The following AKAP19 variants were observed in gnomAD, a reference collection of about 807,000 sequenced individuals.
The protein encoded by AKAP19 is A-kinase anchoring protein 19.
At chr2:190,044,401 C>A in the AKAP19 span, among the ~76,000 whole-genome samples, 4 of 152,094 alleles carry the variant, frequency 2.6e-5, no homozygotes, top group African/African-American at 9.7e-5. Flanking sequence ...CAGTGTGGGG[C>A]CCATGGGAAA....
At chr2:190,038,913 C>CTTTCT in the AKAP19 span, among the ~76,000 whole-genome samples, 54 of 113,666 alleles carry the variant, frequency 4.8e-4, no homozygotes, top group Middle Eastern at 4.1e-3. Context: ...TCTTCTTCTT[C>CTTTCT]TTCTTCTTCT....
the AKAP19 span, among the ~76,000 whole-genome samples, chr2:189,945,852 A>C: frequency 6.6e-6 from 1 of 152,230 alleles, no homozygotes; most frequent in Admixed American, 6.5e-5. Flanking sequence ...GTTAATATTA[A>C]GTAGTCATTG....
the AKAP19 span, among the ~76,000 whole-genome samples, chr2:189,971,470 G>A: frequency 1.6e-4 from 25 of 152,148 alleles, no homozygotes; most frequent in African/African-American, 2.9e-4. Context: ...TTATAGCAGC[G>A]TGATTTATAA....
the AKAP19 span, among the ~76,000 whole-genome samples, chr2:190,080,611 C>G: frequency 6.6e-6 from 1 of 152,140 alleles, no homozygotes; most frequent in Admixed American, 6.5e-5. Context: ...GTGTTCCAGG[C>G]AAAGGACATA....
At chr2:190,007,266 C>T in the AKAP19 span, among the ~76,000 whole-genome samples, 2 of 152,154 alleles carry the variant, frequency 1.3e-5, no homozygotes, top group Non-Finnish European at 2.9e-5. Context: ...CCTATATTCT[C>T]CATTTTCTAC....
chr2:190,127,694 T>C, the AKAP19 span, among the ~76,000 whole-genome samples: 1 of 152,210 alleles, frequency 6.6e-6, no homozygotes, highest in Non-Finnish European at 1.5e-5. Flanking sequence ...ATTGAAGTTA[T>C]TTTTTAAATT....
chr2:190,167,534 G>A, the AKAP19 span, among the ~76,000 whole-genome samples: 26 of 152,306 alleles, frequency 1.7e-4, no homozygotes, highest in African/African-American at 6.0e-4. Flanking sequence ...ATGAGACTCT[G>A]AGACAAGGCA....
the AKAP19 span, among the ~76,000 whole-genome samples, chr2:190,193,463 A>C: frequency 2.0e-5 from 3 of 152,058 alleles, no homozygotes; most frequent in South Asian, 6.2e-4. Flanking sequence ...TTTTCTGAAG[A>C]GTTTAGATAA....
chr2:190,021,790 C>T, the AKAP19 span, among the ~76,000 whole-genome samples: 1 of 152,220 alleles, frequency 6.6e-6, no homozygotes, highest in Non-Finnish European at 1.5e-5. Context: ...ATCCTGTTTC[C>T]TCCTCATATT....
the AKAP19 span, among the ~76,000 whole-genome samples, chr2:190,132,315 C>A: frequency 6.6e-6 from 1 of 152,094 alleles, no homozygotes; most frequent in Non-Finnish European, 1.5e-5. Context: ...TATGGAACCA[C>A]AAGAGACCCT....
the AKAP19 span, among the ~76,000 whole-genome samples, chr2:190,184,563 A>G: frequency 4.6e-5 from 7 of 152,224 alleles, no homozygotes; most frequent in African/African-American, 1.7e-4. Context: ...ATTTGGGGAG[A>G]CAGCATTTAT....
At chr2:189,882,897 C>CT in the AKAP19 span, among the ~76,000 whole-genome samples, 1 of 151,548 alleles carries the variant, frequency 6.6e-6, no homozygotes, top group Non-Finnish European at 1.5e-5. Flanking sequence ...TGACTTTTTC[C>CT]TTTGCTTATT....
At chr2:189,932,515 A>G in the AKAP19 span, among the ~76,000 whole-genome samples, 1 of 151,906 alleles carries the variant, frequency 6.6e-6, no homozygotes, top group Non-Finnish European at 1.5e-5. Context: ...ATTAGTTGGA[A>G]TTCTATTTTG....
chr2:190,052,224 G>A, the AKAP19 span, among the ~76,000 whole-genome samples: 1 of 152,158 alleles, frequency 6.6e-6, no homozygotes, highest in Non-Finnish European at 1.5e-5. Context: ...CTAGGGTGCA[G>A]GCAGCCATAT....
the AKAP19 span, among the ~76,000 whole-genome samples, chr2:189,919,759 C>A: frequency 5.3e-5 from 8 of 152,180 alleles, no homozygotes; most frequent in African/African-American, 1.9e-4. Flanking sequence ...TTTTAAAAAG[C>A]TGCTAGAGAA....
chr2:189,903,522 T>G, the AKAP19 span, among the ~76,000 whole-genome samples: 5 of 152,170 alleles, frequency 3.3e-5, no homozygotes, highest in Admixed American at 2.0e-4. Flanking sequence ...TTATCACCAT[T>G]AGATTCAGTA....
the AKAP19 span, among the ~76,000 whole-genome samples, chr2:190,007,989 C>T: frequency 2.0e-5 from 3 of 152,146 alleles, no homozygotes; most frequent in South Asian, 2.1e-4. Flanking sequence ...TGAAGGCTTA[C>T]AGCAATCCTT....
chr2:190,064,644 T>C, the AKAP19 span, among the ~76,000 whole-genome samples: 1 of 152,196 alleles, frequency 6.6e-6, no homozygotes, highest in Non-Finnish European at 1.5e-5. Flanking sequence ...AATTGATAAC[T>C]GGCATTTGAG....
chr2:190,002,868 G>A, the AKAP19 span, among the ~76,000 whole-genome samples: 9 of 151,946 alleles, frequency 5.9e-5, no homozygotes, highest in African/African-American at 2.2e-4. Context: ...TGTAAATGTC[G>A]TCCACGGAAT....
Sources: gnomAD v4.1 joint callset for allele counts (sites outside exome capture counted in the v4.1 genomes callset) on GRCh38, gnomAD v4.1.1 for gene constraint, MANE v1.5 for transcripts, NCBI Gene and HGNC (gene_info 2026-07-23, HGNC 2026-07-21) for gene names.